The following BCAS3 variants were observed in gnomAD, a reference collection of about 807,000 sequenced individuals.
The protein encoded by BCAS3 is BCAS3 microtubule associated cell migration factor.
A neutral mutation model predicts 116.1 loss-of-function variants in BCAS3; 53 were observed. The observed-to-expected ratio is 0.46, with a 90% CI of 0.37 to 0.57. The LOEUF is 0.57. Ranked by LOEUF, BCAS3 falls within the 20% of genes least tolerant of loss-of-function variation. The probability of loss-of-function intolerance (pLI) is 0.00; values close to 1 mark genes in which losing one functional copy is unlikely to be tolerated. For missense variants in BCAS3, 917 were observed against 1,165.4 expected, an observed-to-expected ratio of 0.79 and a Z score of 3.10; for synonymous variants, 391 against 408.2, an observed-to-expected ratio of 0.96 and a Z score of 0.51.
At chr17:60,943,572 A>G (rs1165024313) in intron 13 of BCAS3, among the ~76,000 whole-genome samples, 3 of 152,126 alleles carry the variant, frequency 2.0e-5, no homozygotes, top group Non-Finnish European at 4.4e-5. Context: ...TAGGAAGCTG[A>G]TATAACTTAG....
At chr17:60,997,195 T>G (rs1343923015) in intron 15 of BCAS3, among the ~76,000 whole-genome samples, 1 of 152,184 alleles carries the variant, frequency 6.6e-6, no homozygotes, top group Non-Finnish European at 1.5e-5. Flanking sequence ...GCTCAGGTGG[T>G]AATGCCAGCT....
intron 11 of BCAS3, among the ~76,000 whole-genome samples, chr17:60,908,165 T>TC (rs1442264908): frequency 6.6e-6 from 1 of 152,104 alleles, no homozygotes; most frequent in Non-Finnish European, 1.5e-5. Flanking sequence ...GTTTTTTTTT[T>TC]CCCTAGGAAA....
At chr17:61,000,158 G>T (rs769146573) in intron 15 of BCAS3, among the ~76,000 whole-genome samples, 1 of 137,722 alleles carries the variant, frequency 7.3e-6, no homozygotes, top group Non-Finnish European at 1.5e-5. Flanking sequence ...ATGACTTATA[G>T]TAGTACTATG....
At position 61,344,954 on chromosome 17, in the gene BCAS3, C is replaced by A. The variant is rs371967247; in HGVS notation, c.2426-23373C>A. On this transcript the variant is annotated intron_variant, in intron 22 of 23. Transcript: ENST00000407086. The surrounding 1 kb of genome is among the most constrained non-coding windows in gnomAD (Gnocchi z 4.1). Reference sequence around the variant, plus strand: ...ACACATACACACACACACACGCACACCCCTCACAGAAAAATAGCCACTCTG... The same window carrying A: ...ACACATACACACACACACACGCACAACCCTCACAGAAAAATAGCCACTCTG... 1.3e-5 allele frequency among the ~76,000 whole-genome samples: 2 copies of A among 152,026 alleles called. No homozygotes were observed. Among genetic ancestry groups the A allele is most frequent in the African/African-American group, 2.4e-5 (1 of 41,380 alleles).
chr17:60,687,894 T>C (rs538094450), intron 3 of BCAS3: 2 of 152,250 alleles, frequency 1.3e-5, no homozygotes, highest in East Asian at 3.9e-4. Flanking sequence ...GAAGACATAG[T>C]GAAAGCATAT....
rs2072949724 is a variant in BCAS3, at chr17:61,084,874, A to G, written c.2425+310A>G. On this transcript the variant is annotated intron_variant, in intron 22 of 23. Transcript: ENST00000407086. The surrounding 1 kb of genome is among the most constrained non-coding windows in gnomAD (Gnocchi z 5.5). Reference sequence around the variant, plus strand: ...ACTGAAATGTGGAGAAGCAACCTTGACAGAGAACGTAAATACAATCTATGG... The same window carrying G: ...ACTGAAATGTGGAGAAGCAACCTTGGCAGAGAACGTAAATACAATCTATGG... Among the ~76,000 whole-genome samples, 1 of 152,234 alleles carries G rather than the reference A, an allele frequency of 6.6e-6. No homozygotes were observed.
intron 22 of BCAS3, among the ~76,000 whole-genome samples, chr17:61,270,812 G>A (rs900622387): frequency 6.6e-6 from 1 of 152,040 alleles, no homozygotes; most frequent in African/African-American, 2.4e-5. Context: ...GTGCAATCTC[G>A]GCTCACCGCA....
At chr17:60,911,239 C>T (rs1269429141) in intron 12 of BCAS3, among the ~76,000 whole-genome samples, 2 of 149,776 alleles carry the variant, frequency 1.3e-5, no homozygotes, top group Admixed American at 1.3e-4. Flanking sequence ...TCTCCTGCCT[C>T]AGCCTCCCGA....
rs1024029627 is a variant in BCAS3, at chr17:61,013,985, T to C, written c.1487-1766T>C. ...CATGCTATTTTTAAAGCAAATGTCT[T>C]TTAGGATGTGTTTTAGAAATAAGAT... On this transcript the variant is annotated intron_variant, in intron 15 of 23. Transcript: ENST00000407086. The surrounding 1 kb of genome is among the most constrained non-coding windows in gnomAD (Gnocchi z 4.4). Among the ~76,000 whole-genome samples the C allele has an allele frequency of 1.3e-5, 2 of 152,120 alleles. No homozygotes were observed. Among genetic ancestry groups the C allele is most frequent in the African/African-American group, 2.4e-5 (1 of 41,438 alleles).
intron 6 of BCAS3, 30 bp downstream of exon 6, chr17:60,747,309 T>C: frequency 6.5e-7 from 1 of 1,544,860 alleles, no homozygotes; most frequent in Non-Finnish European, 8.9e-7. Flanking sequence ...AAAGAATCTT[T>C]CAGAAAAGAG....
At chr17:61,078,976 A>G (rs1175389264) in intron 21 of BCAS3, among the ~76,000 whole-genome samples, 1 of 152,180 alleles carries the variant, frequency 6.6e-6, no homozygotes, top group East Asian at 1.9e-4. Context: ...AAATTCAATT[A>G]TAGTTTATCT....
In BCAS3 at chr17:61,013,323, A is replaced by G. The variant is rs890614634; in HGVS notation, c.1487-2428A>G. Among the ~76,000 whole-genome samples, 1 of 152,156 alleles carries G rather than the reference A, an allele frequency of 6.6e-6. No homozygotes were observed. Among genetic ancestry groups the G allele is most frequent in the Non-Finnish European group, 1.5e-5 (1 of 67,998 alleles). On this transcript the variant is annotated intron_variant, in intron 15 of 23. Coordinates refer to ENST00000407086, the MANE Select transcript of BCAS3 (RefSeq NM_017679.5). The surrounding 1 kb of genome is among the most constrained non-coding windows in gnomAD (Gnocchi z 4.4). Reference sequence around the variant, plus strand: ...TATTTGTTTACTAGTTGTGAAATACATATGATGTACACAATTCTTAATTTT... The same window carrying G: ...TATTTGTTTACTAGTTGTGAAATACGTATGATGTACACAATTCTTAATTTT...
chr17:60,718,027 C>G (rs538278417), intron 5 of BCAS3, among the ~76,000 whole-genome samples: 1 of 152,288 alleles, frequency 6.6e-6, no homozygotes, highest in East Asian at 1.9e-4. Context: ...GCGCGGTTCA[C>G]GTTAGGGTTC....
At chr17:60,850,584 C>G (rs919961375) in intron 7 of BCAS3, among the ~76,000 whole-genome samples, 2 of 151,900 alleles carry the variant, frequency 1.3e-5, no homozygotes, top group Non-Finnish European at 2.9e-5. Context: ...GTCTCGAACT[C>G]CTGACCTCAG....
chr17:61,283,437 A>G (rs966277328), intron 22 of BCAS3, among the ~76,000 whole-genome samples: 14 of 151,750 alleles, frequency 9.2e-5, no homozygotes, highest in African/African-American at 3.4e-4. Flanking sequence ...TACCAAAATG[A>G]GGTTGCAAAA....
chr17:60,933,073 G>A (rs1477524600), intron 13 of BCAS3, among the ~76,000 whole-genome samples: 1 of 152,006 alleles, frequency 6.6e-6, no homozygotes, highest in Non-Finnish European at 1.5e-5. Context: ...TACTGGGGAG[G>A]CTGAGGCAGG....
rs376037802 is a variant in BCAS3, at chr17:61,381,436, C to T, written c.2594-10541C>T. On this transcript the variant is annotated intron_variant, in intron 23 of 23. Coordinates refer to ENST00000407086, the MANE Select transcript of BCAS3 (RefSeq NM_017679.5). The surrounding 1 kb of genome is among the most constrained non-coding windows in gnomAD (Gnocchi z 6.0). ...TGAGACTGTGATCCTTTCCCAGCCG[C>T]GGCGTGTGGGCTTGAGACACAGGCT... Among the ~76,000 whole-genome samples the T allele has an allele frequency of 1.1e-3, 173 of 152,234 alleles. 1 individual carries two copies. The highest frequency in any genetic ancestry group is 4.0e-3 in the African/African-American group (165 of 41,536).
At chr17:60,989,603 T>C (rs1234373997) in intron 14 of BCAS3, among the ~76,000 whole-genome samples, 3 of 151,958 alleles carry the variant, frequency 2.0e-5, no homozygotes, top group Non-Finnish European at 4.4e-5. Context: ...CAAGGCCATA[T>C]GGCCTCTTAC....
In BCAS3 at chr17:61,248,855, G is replaced by A. The variant is rs1196218823; in HGVS notation, c.2426-119472G>A. On this transcript the variant is annotated intron_variant, in intron 22 of 23. Coordinates refer to ENST00000407086, the MANE Select transcript of BCAS3 (RefSeq NM_017679.5). This position sits in a 1 kb window ranked among gnomAD's most constrained non-coding sequence, Gnocchi z 4.3. ...CCTTTTACACTTCAAACCACTTGGA[G>A]TATCTTAAAGAAGTAGTATACTGTC... 6.6e-6 allele frequency among the ~76,000 whole-genome samples: 1 copy of A among 152,218 alleles called. No homozygotes were observed. The highest frequency in any genetic ancestry group is 1.5e-5 in the Non-Finnish European group (1 of 68,042).
Sources: allele counts gnomAD v4.1 joint callset (sites outside exome capture counted in the v4.1 genomes callset), GRCh38; gene constraint gnomAD v4.1.1; non-coding constraint Gnocchi (gnomAD v3.1); transcripts MANE v1.5; gene names NCBI Gene and HGNC (gene_info 2026-07-23, HGNC 2026-07-21).